The following BECN1 variants were observed in gnomAD, a reference collection of about 807,000 sequenced individuals.
The protein encoded by BECN1 is beclin 1.
BECN1 carries 15 observed loss-of-function variants against 60.1 expected under a neutral mutation model. The ratio of observed to expected loss-of-function variants is 0.25; its 90% CI spans 0.17 to 0.38. The LOEUF is 0.38. BECN1 is among the 10% of genes least tolerant of loss of function. The pLI is 1.00. For missense variants in BECN1, 424 were observed against 548.2 expected (o/e 0.77, Z 2.26); for synonymous variants, 179 against 201.8 (o/e 0.89, Z 0.96).
At chr17:42,815,637 C>T (rs2144171568) in intron 8 of BECN1, 2 of 488,962 alleles carry the variant, frequency 4.1e-6, no homozygotes, top group Non-Finnish European at 7.2e-6. Flanking sequence ...CATCAAACAC[C>T]GTGGGGATAA....
At chr17:42,823,702 C>T in intron 2 of BECN1, 46 bp downstream of exon 2, 1 of 1,598,970 alleles carries the variant, frequency 6.3e-7, no homozygotes, top group East Asian at 2.3e-5. Context: ...CAAAGCTGCC[C>T]ACCTTCCACA....
intron 7 of BECN1, among the ~76,000 whole-genome samples, chr17:42,816,969 CA>C (rs912630026): frequency 6.7e-6 from 1 of 149,156 alleles, no homozygotes; most frequent in African/African-American, 2.5e-5. Flanking sequence ...GACTCTGTCT[CA>C]AAAAAAAACC....
At chr17:42,818,100 G>T in intron 7 of BECN1, 121 bp downstream of exon 7, 2 of 1,044,430 alleles carry the variant, frequency 1.9e-6, no homozygotes, top group Non-Finnish European at 1.4e-6. Context: ...CAGGATCTGG[G>T]GCAGGCATGC....
At position 42,819,541 on chromosome 17, in the gene BECN1, T is replaced by C. The variant is rs2144193061; in HGVS notation, c.260+7A>G. The stretch of plus-strand genomic sequence containing the variant: ...GCAAGGAATGGGGGCTGAGAAGTAG[T>C]AGGCACCTGGCTGGGGGGATGAATC... On this transcript the variant is annotated splice_region_variant and intron_variant, in intron 4 of 11. Transcript: ENST00000590099. 1.9e-6 allele frequency: 3 copies of C among 1,613,428 alleles called. No homozygotes were observed. Among genetic ancestry groups the C allele is most frequent in the East Asian group, 2.2e-5 (1 of 44,880 alleles).
intron 8 of BECN1, 123 bp downstream of exon 8, chr17:42,815,785 G>T: frequency 7.7e-7 from 1 of 1,302,318 alleles, no homozygotes; most frequent in Non-Finnish European, 1.1e-6. Context: ...ATGAATGAAA[G>T]AAACCTAGTT....
At chr17:42,814,288 G>A (rs36108158) in intron 9 of BECN1, 1 of 590,830 alleles carries the variant, frequency 1.7e-6, no homozygotes, top group Non-Finnish European at 2.9e-6. Context: ...GGAACACTAA[G>A]GCTCTGGGGA....
intron 11 of BECN1, 143 bp from the exon 12 acceptor site, chr17:42,811,071 GC>G: frequency 1.1e-6 from 1 of 872,604 alleles, no homozygotes; most frequent in Non-Finnish European, 1.6e-6. Flanking sequence ...TTTTGGATTT[GC>G]TTGAAAGCCA....
chr17:42,811,546 TTTTTTTG>T, intron 11 of BECN1, 102 bp downstream of exon 11: 1 of 1,419,418 alleles, frequency 7.0e-7, no homozygotes, highest in Non-Finnish European at 9.6e-7. Flanking sequence ...TTCTGTGCCA[TTTTTTTG>T]CTTTCCCACC....
In BECN1 at chr17:42,818,870, A is replaced by T. The variant is rs2055202642; in HGVS notation, c.268T>A (p.Ser90Thr). 6.2e-7 allele frequency: 1 copy of T among 1,613,994 alleles called. No individual in the cohort carries two copies. Among genetic ancestry groups the T allele is most frequent in the African/African-American group, 1.3e-5 (1 of 74,894 alleles). Residue 90 changes from serine to threonine, a missense_variant, in exon 5 of 12, where the codon TCC (serine) becomes ACC (threonine). Ser to Thr is a moderately conservative substitution (Grantham distance 58). This residue lies in a region of BECN1 where 96 missense variants were observed against 125.6 expected (regional missense o/e 0.76). Coordinates refer to ENST00000590099, the MANE Select transcript of BECN1 (RefSeq NM_001313998.2). ...GTGAAGCTGTTGGCACTTTCTGTGG[A>T]CATCATCCTGCAGACAGCCCCCCGC... ...RRFIPPARMM[S>T]TESANSFTLI...
chr17:42,823,162 T>A (rs1289397347), intron 2 of BECN1, among the ~76,000 whole-genome samples: 1 of 152,206 alleles, frequency 6.6e-6, no homozygotes, highest in Middle Eastern at 3.2e-3. Flanking sequence ...TACTATATAG[T>A]AAGTCCTCAA....
chr17:42,815,563 C>A, intron 8 of BECN1: 1 of 276,552 alleles, frequency 3.6e-6, no homozygotes, highest in Non-Finnish European at 6.8e-6. Context: ...TGCTGTTGCC[C>A]TCCTAGCACT....
chr17:42,824,262 G>T lies in BECN1; in HGVS notation c.-110C>A. The T allele has an allele frequency of 2.5e-6, 1 of 400,148 alleles. No homozygotes were observed. The highest frequency in any genetic ancestry group is 4.4e-6 in the Non-Finnish European group (1 of 226,348). 24.8% of individuals were successfully genotyped at this position (400,148 alleles called of 1,614,324 possible). A position where few individuals can be genotyped will look rare whatever the true frequency, so the allele number is the denominator to read the frequency against. Reference sequence around the variant, plus strand: ...CAGAACTACCATCGCTCTGTCTTCAGCGACTTCCCGGTAGCCGCCGGAAAA... The same window carrying T: ...CAGAACTACCATCGCTCTGTCTTCATCGACTTCCCGGTAGCCGCCGGAAAA... On this transcript the variant is annotated 5_prime_UTR_variant, in exon 1 of 12. In the 5' UTR this introduces an upstream ATG that the reference lacks. Transcript: ENST00000590099.
At chr17:42,820,051 C>CT (rs2055229878) in intron 3 of BECN1, among the ~76,000 whole-genome samples, 1 of 152,216 alleles carries the variant, frequency 6.6e-6, no homozygotes, top group Admixed American at 6.5e-5. Context: ...CTCACAGCAT[C>CT]TATTGACTTC....
intron 2 of BECN1, among the ~76,000 whole-genome samples, chr17:42,821,052 C>T (rs888470507): frequency 1.4e-5 from 2 of 147,044 alleles, no homozygotes; most frequent in Admixed American, 6.7e-5. Context: ...ATAATGGTAT[C>T]ATTATTATTA....
At chr17:42,816,252 C>T (rs898144485) in intron 7 of BECN1, among the ~76,000 whole-genome samples, 198 bp from the exon 8 acceptor site, 2 of 152,186 alleles carry the variant, frequency 1.3e-5, no homozygotes, top group Non-Finnish European at 2.9e-5. Context: ...TCTCAAATTC[C>T]AGCTGCCCAT....
At chr17:42,823,573 A>G in intron 2 of BECN1, 175 bp downstream of exon 2, 1 of 977,980 alleles carries the variant, frequency 1.0e-6, no homozygotes, top group Non-Finnish European at 1.4e-6. Flanking sequence ...TCAGAAGTCC[A>G]CAATGTCAGA....
At position 42,810,324 on chromosome 17, in the gene BECN1, TCATTTTCCCA is replaced by T. The variant is rs2054967165; in HGVS notation, c.*426_*435del. 6.5e-6 allele frequency: 1 copy of T among 153,918 alleles called. No homozygotes were observed. Among genetic ancestry groups the T allele is most frequent in the African/African-American group, 2.4e-5 (1 of 41,456 alleles). 9.5% of individuals were successfully genotyped at this position (153,918 alleles called of 1,614,324 possible). A position where few individuals can be genotyped will look rare whatever the true frequency, so the allele number is the denominator to read the frequency against. On this transcript the variant is annotated 3_prime_UTR_variant, in exon 12 of 12. Transcript: ENST00000590099. ...ATGGTGACCAGGTAAAGCTTAGATGTCATTTTCCCACATTATCCAACTGTGCATCTCAAAC... is the reference window on the plus strand; with the variant it reads ...ATGGTGACCAGGTAAAGCTTAGATGTCATTATCCAACTGTGCATCTCAAAC...
At position 42,811,579 on chromosome 17, in the gene BECN1, C is replaced by T. The variant is rs117018379; in HGVS notation, c.1184+76G>A. 8.8e-3 allele frequency: 13,517 copies of T among 1,537,266 alleles called. 74 individuals carry two copies. Among genetic ancestry groups the T allele is most frequent in the Non-Finnish European group, 0.011 (12,197 of 1,140,290 alleles). On this transcript the variant is annotated intron_variant, in intron 11 of 11. Coordinates refer to ENST00000590099, the MANE Select transcript of BECN1 (RefSeq NM_001313998.2). ...CTTTCCCACCATTTATACTGTTTTG[C>T]CTCCATTATTACTGCTGCTTCAATT...
chr17:42,812,904 G>A (rs1161546208), intron 10 of BECN1: 4 of 131,300 alleles, frequency 3.0e-5, no homozygotes, highest in Admixed American at 1.7e-4. Context: ...GCGCAATCTC[G>A]GCTTACTGTA....
Sources: allele counts gnomAD v4.1 joint callset (sites outside exome capture counted in the v4.1 genomes callset), GRCh38; gene constraint gnomAD v4.1.1; regional missense constraint gnomAD v4.1.1; transcripts MANE v1.5; gene names NCBI Gene and HGNC (gene_info 2026-07-23, HGNC 2026-07-21).